The following CACNA1B variants were observed in gnomAD, a reference collection of about 807,000 sequenced individuals.
CACNA1B encodes voltage-dependent N-type calcium channel subunit alpha-1B.
Under a neutral mutation model 247.2 loss-of-function variants are expected in CACNA1B, and 70 were observed. That is an observed-to-expected ratio of 0.28 (90% confidence interval 0.23 to 0.35). The LOEUF (loss-of-function observed/expected upper bound fraction) is 0.35, where lower values mean the gene tolerates loss of function less well. Among genes scored for constraint, CACNA1B ranks in the 10% least tolerant of loss-of-function variants. The pLI, the probability that CACNA1B is intolerant of heterozygous loss-of-function variation, is 1.00. For synonymous variants in CACNA1B, 1,231 were observed against 1,294.4 expected (o/e 0.95, Z 1.05); for missense variants, 2,367 against 3,197.4 (o/e 0.74, Z 6.26).
intron 16 of CACNA1B, among the ~76,000 whole-genome samples, chr9:138,008,843 G>A (rs1326661191): frequency 6.6e-6 from 1 of 152,242 alleles, no homozygotes; most frequent in African/African-American, 2.4e-5. Context: ...GGGGCTGATG[G>A]CCTCAAGTGG....
Position 137,950,212 on chromosome 9 carries a change from C to A in CACNA1B, c.967-2062C>A, listed in dbSNP as rs1168843816. On this transcript the variant is annotated intron_variant, in intron 6 of 46. Transcript: ENST00000371372. This position sits in a 1 kb window ranked among gnomAD's most constrained non-coding sequence, Gnocchi z 4.8. ...CCCACCATGCCTCAAGGGAACTTTC[C>A]TGGCTGGGAGGGTTAGAGGTGCCTT... Among the ~76,000 whole-genome samples the A allele has an allele frequency of 1.3e-5, 2 of 152,290 alleles. No individual in the cohort carries two copies. Among genetic ancestry groups the A allele is most frequent in the Non-Finnish European group, 1.5e-5 (1 of 68,018 alleles).
At position 138,059,709 on chromosome 9, in the gene CACNA1B, T is replaced by C; in HGVS notation, c.4640T>C (p.Ile1547Thr). 6.2e-7 allele frequency: 1 copy of C among 1,604,996 alleles called. No individual in the cohort carries two copies. The highest frequency in any genetic ancestry group is 8.5e-7 in the Non-Finnish European group (1 of 1,171,650). ...VFDFVTVLGS[I>T]TDILVTEIAE... is the part of the protein sequence containing the mutation. Reference sequence around the variant, plus strand: ...GACTTTGTCACTGTGTTGGGAAGTATTACTGATATTTTAGTAACAGAGATT... The same window carrying C: ...GACTTTGTCACTGTGTTGGGAAGTACTACTGATATTTTAGTAACAGAGATT... Residue 1547 changes from isoleucine (I) to threonine (T), a missense_variant, in exon 31 of 47, where the codon ATT (isoleucine) becomes ACT (threonine). By Grantham distance (89) the Ile-to-Thr change is moderately conservative (BLOSUM62 -1). Around this residue, in one of 12 missense-constraint regions of CACNA1B, gnomAD observed 436 missense variants for 679.5 expected, o/e 0.64. Transcript: ENST00000371372. The surrounding 1 kb of genome is among the most constrained non-coding windows in gnomAD (Gnocchi z 4.2).
intron 6 of CACNA1B, among the ~76,000 whole-genome samples, chr9:137,941,399 G>GA (rs1286969153): frequency 5.3e-5 from 8 of 152,240 alleles, no homozygotes; most frequent in Admixed American, 6.5e-5. Flanking sequence ...CCTCTACAAG[G>GA]AAAACTACAA....
At chr9:138,030,295 A>G (rs1958973522) in intron 20 of CACNA1B, among the ~76,000 whole-genome samples, 3 of 151,570 alleles carry the variant, frequency 2.0e-5, no homozygotes, top group Admixed American at 6.6e-5. Flanking sequence ...TTTTTTTTAA[A>G]GAATTTTTGT....
intron 18 of CACNA1B, among the ~76,000 whole-genome samples, chr9:138,021,539 C>T (rs1269931254): frequency 2.0e-5 from 3 of 152,250 alleles, no homozygotes; most frequent in African/African-American, 7.2e-5. Context: ...GGCTCAGGGC[C>T]CCGGAGCTGG....
rs1371054201 is a variant in CACNA1B at position 137,913,651 on chromosome 9, C to G, written c.622+380C>G. Reference sequence around the variant, plus strand: ...GCAAAAGCTGCAAAGGGCCACTTGTCTCTTGGCTCAGTCTTGTCAGGGCCA... The same window carrying G: ...GCAAAAGCTGCAAAGGGCCACTTGTGTCTTGGCTCAGTCTTGTCAGGGCCA... On this transcript the variant is annotated intron_variant, in intron 4 of 46. Transcript: ENST00000371372. The surrounding 1 kb of genome is among the most constrained non-coding windows in gnomAD (Gnocchi z 5.2). Among the ~76,000 whole-genome samples the G allele has an allele frequency of 6.9e-6, 1 of 145,572 alleles. No individual in the cohort carries two copies. The highest frequency in any genetic ancestry group is 1.5e-5 in the Non-Finnish European group (1 of 65,428).
intron 6 of CACNA1B, among the ~76,000 whole-genome samples, chr9:137,918,188 G>C (rs1957434279): frequency 6.6e-6 from 1 of 151,950 alleles, no homozygotes; most frequent in African/African-American, 2.4e-5. Context: ...TGGTGGCCAT[G>C]ATTGAAGTTG....
chr9:138,111,578 C>T (rs116258228), intron 39 of CACNA1B, among the ~76,000 whole-genome samples: 3,447 of 152,248 alleles, frequency 0.023, 123 homozygotes, highest in African/African-American at 0.077. Context: ...GGCACATGGG[C>T]GTATGAATTC....
chr9:138,016,974 T>C (rs1334816495), intron 18 of CACNA1B, among the ~76,000 whole-genome samples: 1 of 152,234 alleles, frequency 6.6e-6, no homozygotes, highest in Non-Finnish European at 1.5e-5. Flanking sequence ...TCTTTCACCC[T>C]GAGGTCTCGG....
chr9:138,109,108 C>T (rs1286583758), intron 39 of CACNA1B, among the ~76,000 whole-genome samples: 1 of 152,182 alleles, frequency 6.6e-6, no homozygotes, highest in Non-Finnish European at 1.5e-5. Flanking sequence ...TGACAAAATT[C>T]AACATCCATT....
In CACNA1B at chr9:137,878,235, GC is replaced by G; in HGVS notation, c.284+20del. ...GAGTGGCCATATCCTGCCGGGCGGG[GC>G]CGGGCGGGGCCGGGCGGGGACCGGG... On this transcript the variant is annotated intron_variant, in intron 1 of 46. Transcript: ENST00000371372. 8.2e-7 allele frequency: 1 copy of G among 1,222,864 alleles called. No individual in the cohort carries two copies. The highest frequency in any genetic ancestry group is 1.0e-6 in the Non-Finnish European group (1 of 970,734). The allele number at this position is 1,222,864 out of a possible 1,614,324, so 75.8% of individuals were successfully genotyped here.
intron 18 of CACNA1B, among the ~76,000 whole-genome samples, chr9:138,016,648 G>C (rs1408829160): frequency 1.3e-5 from 2 of 152,104 alleles, no homozygotes; most frequent in African/African-American, 4.8e-5. Flanking sequence ...CCCATCTCGA[G>C]GGCCGGGAGA....
intron 6 of CACNA1B, among the ~76,000 whole-genome samples, chr9:137,948,788 GGTGT>G (rs373631643): frequency 6.8e-6 from 1 of 146,866 alleles, no homozygotes; most frequent in Non-Finnish European, 1.5e-5. Flanking sequence ...GTATGTGTGT[GGTGT>G]GTGTGTGTGT....
At position 137,923,873 on chromosome 9, in the gene CACNA1B, C is replaced by T. The variant is rs149083881; in HGVS notation, c.966+6442C>T. The stretch of plus-strand genomic sequence containing the variant: ...TAGTGACACATCACTGGTTTTAATT[C>T]GCATGTCCTAACAGTGAGTGGTGTT... On this transcript the variant is annotated intron_variant, in intron 6 of 46. Coordinates refer to ENST00000371372, the MANE Select transcript of CACNA1B (RefSeq NM_000718.4). Among the ~76,000 whole-genome samples, 5 of 152,280 alleles carry T rather than the reference C, an allele frequency of 3.3e-5. No homozygotes were observed. In the East Asian group the frequency reaches 7.7e-4, roughly 23 times the overall value.
At chr9:137,896,095 C>T (rs910411298) in intron 3 of CACNA1B, among the ~76,000 whole-genome samples, 2 of 152,052 alleles carry the variant, frequency 1.3e-5, no homozygotes, top group South Asian at 2.1e-4. Flanking sequence ...AAAAGTTAGC[C>T]GGGTGTGGTG....
chr9:137,949,473 A>C (rs1957853526), intron 6 of CACNA1B, among the ~76,000 whole-genome samples: 1 of 136,338 alleles, frequency 7.3e-6, no homozygotes. Flanking sequence ...TGTGTGGTGT[A>C]TGCATGTGTG....
Position 138,053,904 on chromosome 9 carries a change from A to G in CACNA1B, c.3866A>G (p.Tyr1289Cys). Residue 1289 changes from tyrosine to cysteine, a missense_variant, in exon 26 of 47, where the codon TAC becomes TGC. By Grantham distance (194) the Tyr-to-Cys change is radical. Transcript: ENST00000371372. The stretch of plus-strand genomic sequence containing the variant: ...AATGTCCTCAACATCTTGATTGTCT[A>G]CATGCTCTTCATGTTCATATTTGCC... Reference protein sequence around the residue: ...LKNVLNILIVYMLFMFIFAVI... With the variant: ...LKNVLNILIVCMLFMFIFAVI... The G allele has an allele frequency of 6.2e-7, 1 of 1,612,900 alleles. No individual in the cohort carries two copies. The highest frequency in any genetic ancestry group is 8.5e-7 in the Non-Finnish European group (1 of 1,178,972).
intron 15 of CACNA1B, among the ~76,000 whole-genome samples, chr9:137,987,331 C>T (rs1047755569): frequency 2.6e-5 from 4 of 152,192 alleles, no homozygotes; most frequent in East Asian, 1.9e-4. Context: ...CACTTCTCTA[C>T]GACGGAGACC....
In CACNA1B at chr9:137,986,349, C is replaced by G; in HGVS notation, c.1770-64C>G. On this transcript the variant is annotated intron_variant, in intron 13 of 46. Coordinates refer to ENST00000371372, the MANE Select transcript of CACNA1B (RefSeq NM_000718.4). The surrounding 1 kb of genome is among the most constrained non-coding windows in gnomAD (Gnocchi z 6.0). ...GTCAGTGGAGCCTTAAGTGTGGCTG[C>G]AGAGAGCCATGAATGTGAAGTCAGC... 1 of 1,580,138 alleles carries G rather than the reference C, an allele frequency of 6.3e-7. No individual in the cohort carries two copies. Among genetic ancestry groups the G allele is most frequent in the Non-Finnish European group, 8.6e-7 (1 of 1,157,524 alleles).
Sources: allele counts gnomAD v4.1 joint callset (sites outside exome capture counted in the v4.1 genomes callset), GRCh38; gene constraint gnomAD v4.1.1; regional missense constraint gnomAD v4.1.1; non-coding constraint Gnocchi (gnomAD v3.1); transcripts MANE v1.5; gene names NCBI Gene and HGNC (gene_info 2026-07-23, HGNC 2026-07-21).